SIPA1L2: variants seen among roughly 807,000 people sequenced by gnomAD.
SIPA1L2 encodes the protein signal induced proliferation associated 1 like 2.
In SIPA1L2, 56 loss-of-function variants were observed where a neutral mutation model predicts 163.9. That is an observed-to-expected ratio of 0.34 (90% CI 0.28 to 0.43). The LOEUF (loss-of-function observed/expected upper bound fraction) is 0.43, where lower values mean the gene tolerates loss of function less well. Among genes scored for constraint, SIPA1L2 ranks in the 20% least tolerant of loss-of-function variants. The probability of loss-of-function intolerance (pLI) is 1.00; values close to 1 mark genes in which losing one functional copy is unlikely to be tolerated. For synonymous variants in SIPA1L2, 877 were observed against 865.7 expected, an observed-to-expected ratio of 1.01 and a Z score of -0.23; for missense variants, 1,974 against 2,193.5, an observed-to-expected ratio of 0.90 and a Z score of 2.00.
At chr1:232,533,865 T>C (rs1657132004) in intron 2 of SIPA1L2, among the ~76,000 whole-genome samples, 1 of 152,188 alleles carries the variant, frequency 6.6e-6, no homozygotes, top group South Asian at 2.1e-4. Context: ...TCCAAAGGTA[T>C]ACTCTTGCCA....
chr1:232,525,233 C>CTTT lies in SIPA1L2; in HGVS notation c.-269-9628_-269-9626dup, dbSNP rs11389753. Among the ~76,000 whole-genome samples the CTTT allele has an allele frequency of 1.9e-3, 196 of 102,924 alleles. 11 individuals are homozygous for CTTT. In the South Asian group the frequency reaches 0.02, roughly 11 times the overall value. 67.5% of individuals were successfully genotyped at this position (102,924 alleles called of 152,430 possible). Reference sequence around the variant, plus strand: ...GAAATTTTTGTTAGAATAATAATAGCTTTTTTTTTTTTTTTTTTTGGAGAC... The same window carrying CTTT: ...GAAATTTTTGTTAGAATAATAATAGCTTTTTTTTTTTTTTTTTTTTTTGGAGAC... On this transcript the variant is annotated intron_variant, in intron 2 of 22. Coordinates refer to ENST00000674635, the MANE Select transcript of SIPA1L2 (RefSeq NM_020808.5).
At chr1:232,428,046 A>G (rs1425836412) in intron 17 of SIPA1L2, among the ~76,000 whole-genome samples, 1 of 152,222 alleles carries the variant, frequency 6.6e-6, no homozygotes, top group Non-Finnish European at 1.5e-5. Context: ...TCTTCACTGT[A>G]ACTTCACAAT....
At chr1:232,484,290 T>C (rs1665534013) in intron 5 of SIPA1L2, among the ~76,000 whole-genome samples, 1 of 152,196 alleles carries the variant, frequency 6.6e-6, no homozygotes, top group Non-Finnish European at 1.5e-5. Flanking sequence ...ACTGTGGAAA[T>C]ACTTCATCTT....
intron 1 of SIPA1L2, among the ~76,000 whole-genome samples, chr1:232,627,613 A>G (rs1663149262): frequency 6.6e-6 from 1 of 152,220 alleles, no homozygotes; most frequent in Non-Finnish European, 1.5e-5. Context: ...ATGATCTGAT[A>G]ATTCCCTTAT....
intron 2 of SIPA1L2, among the ~76,000 whole-genome samples, chr1:232,545,704 C>T (rs902091791): frequency 1.1e-4 from 17 of 152,216 alleles, no homozygotes; most frequent in Non-Finnish European, 1.8e-4. Context: ...TTGATATACA[C>T]AGCCTTCTAG....
At chr1:232,551,419 A>T (rs1361680910) in intron 2 of SIPA1L2, among the ~76,000 whole-genome samples, 1 of 152,244 alleles carries the variant, frequency 6.6e-6, no homozygotes, top group East Asian at 1.9e-4. Flanking sequence ...TTACTGCTCC[A>T]TGCTCACTGG....
At chr1:232,469,176 G>A (rs541246481) in intron 8 of SIPA1L2, among the ~76,000 whole-genome samples, 8 of 152,282 alleles carry the variant, frequency 5.3e-5, no homozygotes, top group East Asian at 1.9e-4. Context: ...CCGTGGGTCC[G>A]CGTCAGCAAG....
intron 1 of SIPA1L2, among the ~76,000 whole-genome samples, chr1:232,603,014 A>AG (rs1173434418): frequency 1.2e-4 from 18 of 152,332 alleles, no homozygotes; most frequent in Admixed American, 7.8e-4. Flanking sequence ...AGGCAGGAGC[A>AG]GGGGGGATAA....
chr1:232,578,224 T>A (rs1249124195), intron 1 of SIPA1L2, among the ~76,000 whole-genome samples: 1 of 151,836 alleles, frequency 6.6e-6, no homozygotes, highest in Admixed American at 6.6e-5. Context: ...CCTAATAAAC[T>A]CCAGTATAGC....
At chr1:232,548,453 A>G (rs1183699454) in intron 2 of SIPA1L2, among the ~76,000 whole-genome samples, 1 of 152,216 alleles carries the variant, frequency 6.6e-6, no homozygotes, top group East Asian at 1.9e-4. Context: ...ATTGTTTGGT[A>G]TCTACCTTCC....
At chr1:232,420,155 C>T (rs1397903990) in intron 18 of SIPA1L2, among the ~76,000 whole-genome samples, 1 of 152,050 alleles carries the variant, frequency 6.6e-6, no homozygotes. Context: ...AACCCCATTT[C>T]TACTAAAAAT....
chr1:232,480,157 G>C lies in SIPA1L2; in HGVS notation c.1982-427C>G, dbSNP rs551384579. ...GCCGCATCTGTGTGTGTGTGTGCGT[G>C]TGTGTGTGTGTGTGTGTGTGTGTGT... is the stretch of plus-strand genomic sequence containing the variant. On this transcript the variant is annotated intron_variant, in intron 6 of 22. Transcript: ENST00000674635. 5.4e-3 allele frequency among the ~76,000 whole-genome samples: 566 copies of C among 105,618 alleles called. 3 individuals carry two copies. The highest frequency in any genetic ancestry group is 9.8e-3 in the Admixed American group (94 of 9,564). The allele number at this position is 105,618 out of a possible 152,430, so 69.3% of individuals were successfully genotyped here. A position where few individuals can be genotyped will look rare whatever the true frequency, so the allele number is the denominator to read the frequency against.
Position 232,402,362 on chromosome 1 carries a change from A to C in SIPA1L2, c.5022+30T>G, listed in dbSNP as rs370769176. Reference sequence around the variant, plus strand: ...AAGGGGCTGATTTTATAAGAGAAACAGTTCTGATTATGCTCTTCCAATTGA... The same window carrying C: ...AAGGGGCTGATTTTATAAGAGAAACCGTTCTGATTATGCTCTTCCAATTGA... On this transcript the variant is annotated intron_variant, in intron 22 of 22. Transcript: ENST00000674635. 76 of 1,594,672 alleles carry C rather than the reference A, an allele frequency of 4.8e-5. No homozygotes were observed. The East Asian group carries it at 1.2e-3, about 25-fold the overall frequency.
At chr1:232,433,098 G>A (rs1420926590) in intron 15 of SIPA1L2, among the ~76,000 whole-genome samples, 1 of 152,168 alleles carries the variant, frequency 6.6e-6, no homozygotes, top group African/African-American at 2.4e-5. Context: ...TGTCAACATG[G>A]AACAATGTTG....
At chr1:232,424,885 A>G (rs1348800625) in intron 18 of SIPA1L2, among the ~76,000 whole-genome samples, 1 of 152,216 alleles carries the variant, frequency 6.6e-6, no homozygotes, top group East Asian at 1.9e-4. Flanking sequence ...TTTCTGTACA[A>G]AAATAACTAT....
upstream of SIPA1L2, among the ~76,000 whole-genome samples, chr1:232,630,317 C>A (rs1663325796): frequency 6.6e-6 from 1 of 151,930 alleles, no homozygotes; most frequent in African/African-American, 2.4e-5. Flanking sequence ...TCCCAGGCCC[C>A]GCGGCGCGCG....
At chr1:232,620,125 C>T (rs780482704) in intron 1 of SIPA1L2, among the ~76,000 whole-genome samples, 7 of 152,164 alleles carry the variant, frequency 4.6e-5, no homozygotes, top group African/African-American at 9.7e-5. Flanking sequence ...ACTCATGATC[C>T]GCCCGCCTCA....
At chr1:232,494,441 A>G (rs1428935502) in intron 3 of SIPA1L2, among the ~76,000 whole-genome samples, 1 of 152,194 alleles carries the variant, frequency 6.6e-6, no homozygotes, top group African/African-American at 2.4e-5. Context: ...TCTTCCTCGT[A>G]TGTGCAATCA....
chr1:232,518,903 T>C (rs1667329520), intron 2 of SIPA1L2, among the ~76,000 whole-genome samples: 1 of 152,198 alleles, frequency 6.6e-6, no homozygotes, highest in Non-Finnish European at 1.5e-5. Flanking sequence ...AGGCAGTAAG[T>C]CCTTATATTA....
Sources: allele counts gnomAD v4.1 joint callset (sites outside exome capture counted in the v4.1 genomes callset), GRCh38; gene constraint gnomAD v4.1.1; transcripts MANE v1.5; gene names NCBI Gene and HGNC (gene_info 2026-07-23, HGNC 2026-07-21).